The following GPC6 variants were observed in gnomAD, a reference collection of about 807,000 sequenced individuals.
GPC6 encodes the protein glypican-6.
Under a neutral mutation model 55.2 loss-of-function variants are expected in GPC6, and 14 were observed. That is an observed-to-expected ratio of 0.25 (90% CI 0.17 to 0.40). The LOEUF (loss-of-function observed/expected upper bound fraction) is 0.40, where lower values mean the gene tolerates loss of function less well. Ranked by LOEUF, GPC6 falls within the 10% of genes least tolerant of loss-of-function variation. The probability of loss-of-function intolerance (pLI) is 1.00; values close to 1 mark genes in which losing one functional copy is unlikely to be tolerated. For missense variants in GPC6, 641 were observed against 708.5 expected, an observed-to-expected ratio of 0.90 and a Z score of 1.08; for synonymous variants, 278 against 259.6, an observed-to-expected ratio of 1.07 and a Z score of -0.68.
At chr13:93,922,543 C>T (rs1877628761) in intron 3 of GPC6, among the ~76,000 whole-genome samples, 1 of 152,144 alleles carries the variant, frequency 6.6e-6, no homozygotes, top group South Asian at 2.1e-4. Context: ...ATGTGTTCAG[C>T]TATGTTCCTA....
chr13:93,861,166 ATAT>A, intron 3 of GPC6, among the ~76,000 whole-genome samples: 1 of 151,520 alleles, frequency 6.6e-6, no homozygotes, highest in South Asian at 2.1e-4. Context: ...ATTCATAATA[ATAT>A]TATTATTACA....
chr13:94,103,897 A>G (rs1885957688), intron 4 of GPC6, among the ~76,000 whole-genome samples: 1 of 151,952 alleles, frequency 6.6e-6, no homozygotes, highest in Non-Finnish European at 1.5e-5. Context: ...ACTAGATCCC[A>G]TTTGTCTATT....
At position 94,406,733 on chromosome 13, in the gene GPC6, A is replaced by G. The variant is rs186529420; in HGVS notation, c.*3516A>G. The G allele has an allele frequency of 2.0e-5, 3 of 152,224 alleles. No homozygotes were observed. Among genetic ancestry groups the G allele is most frequent in the Admixed American group, 2.0e-4 (3 of 15,290 alleles). The allele number at this position is 152,224 out of a possible 1,614,324, so 9.4% of individuals were successfully genotyped here. A position where few individuals can be genotyped will look rare whatever the true frequency, so the allele number is the denominator to read the frequency against. Reference sequence around the variant, plus strand: ...TGTTTCGGCTACAGACTGAACACGAACTAAAGTCCCTAAGGAGGAAAAAAC... The same window carrying G: ...TGTTTCGGCTACAGACTGAACACGAGCTAAAGTCCCTAAGGAGGAAAAAAC... On this transcript the variant is annotated 3_prime_UTR_variant, in exon 9 of 9. Transcript: ENST00000377047.
chr13:93,926,800 C>T lies in GPC6; in HGVS notation c.711+96255C>T, dbSNP rs1330442671. Among the ~76,000 whole-genome samples, 5 of 3,554 alleles carry T rather than the reference C, an allele frequency of 1.4e-3. No homozygotes were observed. The South Asian group carries it at 0.042, about 30-fold the overall frequency. 2.3% of individuals were successfully genotyped at this position (3,554 alleles called of 152,430 possible). On this transcript the variant is annotated intron_variant, in intron 3 of 8. Coordinates refer to ENST00000377047, the MANE Select transcript of GPC6 (RefSeq NM_005708.5). Reference sequence around the variant, plus strand: ...GTCAATTATTTTAGACATCAGGTACCCCCTCAACTTTTCTTTAAATAGAAG... The same window carrying T: ...GTCAATTATTTTAGACATCAGGTACTCCCTCAACTTTTCTTTAAATAGAAG...
chr13:94,288,651 T>C (rs1408860002), intron 5 of GPC6, among the ~76,000 whole-genome samples: 3 of 147,196 alleles, frequency 2.0e-5, no homozygotes, highest in East Asian at 4.0e-4. Flanking sequence ...TCACTCTTCT[T>C]ACCTTTCAGT....
intron 2 of GPC6, among the ~76,000 whole-genome samples, chr13:93,632,414 A>G (rs904555851): frequency 3.9e-5 from 6 of 151,952 alleles, no homozygotes; most frequent in African/African-American, 1.5e-4. Flanking sequence ...GTTTGAGATG[A>G]GGCTGAGCAA....
At position 94,171,784 on chromosome 13, in the gene GPC6, C is replaced by T. The variant is rs566364679; in HGVS notation, c.878-114565C>T. Among the ~76,000 whole-genome samples the T allele has an allele frequency of 1.2e-4, 18 of 152,250 alleles. No individual in the cohort carries two copies. The Middle Eastern group carries it at 0.01, about 86-fold the overall frequency. On this transcript the variant is annotated intron_variant, in intron 4 of 8. Coordinates refer to ENST00000377047, the MANE Select transcript of GPC6 (RefSeq NM_005708.5). ...CTGCAGATTAGTATGAAAAGCACAA[C>T]TGCGTGCTTCAGTGAGCCTCTACTT...
In GPC6 at chr13:94,341,847, G is replaced by C. The variant is rs542507814; in HGVS notation, c.1152+35724G>C. 5.9e-5 allele frequency among the ~76,000 whole-genome samples: 9 copies of C among 152,266 alleles called. No individual in the cohort carries two copies. In the South Asian group the frequency reaches 1.9e-3, roughly 32 times the overall value. ...AATGAATGATATTAATAATGCATTA[G>C]GACTGACAATAGAAATCATTTTATA... On this transcript the variant is annotated intron_variant, in intron 6 of 8. Coordinates refer to ENST00000377047, the MANE Select transcript of GPC6 (RefSeq NM_005708.5).
chr13:94,186,929 A>G (rs1298471852), intron 4 of GPC6: 1 of 152,218 alleles, frequency 6.6e-6, no homozygotes, highest in Non-Finnish European at 1.5e-5. Context: ...TTGATTTCTC[A>G]TATGAATCAG....
intron 2 of GPC6, among the ~76,000 whole-genome samples, chr13:93,565,106 A>AT (rs545521797): frequency 1.9e-3 from 285 of 151,840 alleles, no homozygotes; most frequent in African/African-American, 6.0e-3. Context: ...ATTCAGTTTT[A>AT]TTTTTTTCTC....
At chr13:93,626,395 A>ATTCCTCAG (rs1249095822) in intron 2 of GPC6, among the ~76,000 whole-genome samples, 1 of 152,182 alleles carries the variant, frequency 6.6e-6, no homozygotes, top group Non-Finnish European at 1.5e-5. Context: ...CATCTTCCAG[A>ATTCCTCAG]TTCCTCAGTT....
intron 3 of GPC6, among the ~76,000 whole-genome samples, chr13:93,879,157 G>A (rs1566582596): frequency 6.6e-6 from 1 of 151,996 alleles, no homozygotes; most frequent in Non-Finnish European, 1.5e-5. Flanking sequence ...TCTTCACGTA[G>A]TTCTCGAGCC....
In GPC6 at chr13:94,406,009, C is replaced by A. The variant is rs944818047; in HGVS notation, c.*2792C>A. 1 of 152,124 alleles carries A rather than the reference C, an allele frequency of 6.6e-6. No individual in the cohort carries two copies. The highest frequency in any genetic ancestry group is 2.4e-5 in the African/African-American group (1 of 41,436). The allele number at this position is 152,124 out of a possible 1,614,324, so 9.4% of individuals were successfully genotyped here. A position where few individuals can be genotyped will look rare whatever the true frequency, so the allele number is the denominator to read the frequency against. ...CATTTCAGCATAGTGATAGGGGATGCAATGAGGCTTCATTATTTTTTATGA... is the reference window on the plus strand; with the variant it reads ...CATTTCAGCATAGTGATAGGGGATGAAATGAGGCTTCATTATTTTTTATGA... On this transcript the variant is annotated 3_prime_UTR_variant, in exon 9 of 9. Coordinates refer to ENST00000377047, the MANE Select transcript of GPC6 (RefSeq NM_005708.5).
Position 94,019,723 on chromosome 13 carries a change from A to C in GPC6, c.712-8006A>C, listed in dbSNP as rs144212892. Reference sequence around the variant, plus strand: ...CCTTACTTTATTTATATTGGCAAATACCCTATTTCCTAATAAAGTCTTATT... The same window carrying C: ...CCTTACTTTATTTATATTGGCAAATCCCCTATTTCCTAATAAAGTCTTATT... On this transcript the variant is annotated intron_variant, in intron 3 of 8. Transcript: ENST00000377047. 2.0e-3 allele frequency among the ~76,000 whole-genome samples: 306 copies of C among 152,264 alleles called. 3 individuals are homozygous for C. In the Middle Eastern group the frequency reaches 0.031, roughly 15 times the overall value.
chr13:93,411,919 C>T (rs1876509357), intron 1 of GPC6, among the ~76,000 whole-genome samples: 1 of 151,582 alleles, frequency 6.6e-6, no homozygotes, highest in African/African-American at 2.4e-5. Flanking sequence ...AGGAGAATTG[C>T]TTGAACCTGG....
intron 1 of GPC6, among the ~76,000 whole-genome samples, chr13:93,441,809 G>A (rs1263550525): frequency 6.6e-6 from 1 of 152,162 alleles, no homozygotes; most frequent in African/African-American, 2.4e-5. Flanking sequence ...TTCTCACTCT[G>A]TCACTCAGGC....
chr13:94,046,487 C>A (rs1883736795), intron 4 of GPC6, among the ~76,000 whole-genome samples: 1 of 151,976 alleles, frequency 6.6e-6, no homozygotes, highest in Non-Finnish European at 1.5e-5. Flanking sequence ...CCAGGATTCC[C>A]TTTAAAGGGC....
chr13:94,191,941 A>G (rs2138963402), intron 4 of GPC6, among the ~76,000 whole-genome samples: 1 of 152,320 alleles, frequency 6.6e-6, no homozygotes, highest in South Asian at 2.1e-4. Flanking sequence ...TTCATATGAA[A>G]AATATCCTCT....
chr13:94,395,716 A>G (rs1566756082), intron 7 of GPC6, among the ~76,000 whole-genome samples: 4 of 152,248 alleles, frequency 2.6e-5, no homozygotes, highest in Admixed American at 1.3e-4. Flanking sequence ...GATAGGAATA[A>G]TAAAATAGAG....
Sources: gnomAD v4.1 joint callset for allele counts (sites outside exome capture counted in the v4.1 genomes callset) on GRCh38, gnomAD v4.1.1 for gene constraint, MANE v1.5 for transcripts, NCBI Gene and HGNC (gene_info 2026-07-23, HGNC 2026-07-21) for gene names.